Variants in HSD17B14 observed in about 807,000 individuals in gnomAD.
HSD17B14 encodes L-fucose dehydrogenase.
HSD17B14 carries 32 observed loss-of-function variants against 32.2 expected under a neutral mutation model. The observed-to-expected ratio is 0.99, with a 90% CI of 0.75 to 1.33. The LOEUF is 1.33. HSD17B14 is among the 40% of genes most tolerant of loss of function. HSD17B14 has a pLI of 0.00. For missense variants in HSD17B14, 370 were observed against 366.5 expected, an observed-to-expected ratio of 1.01 and a Z score of -0.08; for synonymous variants, 140 against 155.4, an observed-to-expected ratio of 0.90 and a Z score of 0.74.
Position 48,836,470 on chromosome 19 carries a change from C to T in HSD17B14, c.-59G>A, listed in dbSNP as rs1157501263. 9 of 1,551,778 alleles carry T rather than the reference C, an allele frequency of 5.8e-6. No individual in the cohort carries two copies. Among genetic ancestry groups the T allele is most frequent in the African/African-American group, 5.4e-5 (4 of 73,750 alleles). ...TGGGCCTCTTTCACCTCCAAAGCCCCGTGAGGCCGTCGCATCAAATCCTCA... is the reference window on the plus strand; with the variant it reads ...TGGGCCTCTTTCACCTCCAAAGCCCTGTGAGGCCGTCGCATCAAATCCTCA... On this transcript the variant is annotated 5_prime_UTR_variant, in exon 1 of 9. Transcript: ENST00000263278.
rs590406 is a variant in HSD17B14 at position 48,832,037 on chromosome 19, C to T, written c.278-278G>A. On this transcript the variant is annotated intron_variant, in intron 4 of 8. Transcript: ENST00000263278. ...AGGTTGCAGTGAGCCTAGATCGAGCCACTGCACTCCAGCCTGGGCGACAGA... is the reference window on the plus strand; with the variant it reads ...AGGTTGCAGTGAGCCTAGATCGAGCTACTGCACTCCAGCCTGGGCGACAGA... Among the ~76,000 whole-genome samples the T allele has an allele frequency of 4.7e-3, 689 of 146,422 alleles. 5 individuals are homozygous for T. The highest frequency in any genetic ancestry group is 0.016 in the African/African-American group (637 of 38,676).
chr19:48,835,743 G>A (rs888190875), intron 2 of HSD17B14, 62 bp downstream of exon 2: 2 of 1,551,716 alleles, frequency 1.3e-6, no homozygotes, highest in South Asian at 1.1e-5. Context: ...GGTGCTAGGG[G>A]TCTGGACCTC....
chr19:48,817,630 A>G (rs1215280307), intron 5 of HSD17B14, among the ~76,000 whole-genome samples: 1 of 152,186 alleles, frequency 6.6e-6, no homozygotes, highest in Admixed American at 6.6e-5. Flanking sequence ...TCCCACCAGC[A>G]TGCAGAAACC....
In HSD17B14 at chr19:48,826,958, G is replaced by A. The variant is rs140439088; in HGVS notation, c.369+4710C>T. The stretch of plus-strand genomic sequence containing the variant: ...GCAGTTCATGTTCAACAGCGCCCCC[G>A]CCAGGCTTTCCTGCCACAGTGAATG... On this transcript the variant is annotated intron_variant, in intron 5 of 8. Transcript: ENST00000263278. 8.7e-3 allele frequency among the ~76,000 whole-genome samples: 1,316 copies of A among 151,920 alleles called. 24 individuals carry two copies. The highest frequency in any genetic ancestry group is 7.1e-3 in the Non-Finnish European group (480 of 67,986).
Position 48,813,798 on chromosome 19 carries a change from C to T in HSD17B14, c.475-68G>A, listed in dbSNP as rs953586855. 12 of 1,567,112 alleles carry T rather than the reference C, an allele frequency of 7.7e-6. No homozygotes were observed. The African/African-American group carries it at 1.2e-4, about 16-fold the overall frequency. On this transcript the variant is annotated intron_variant, in intron 6 of 8. Transcript: ENST00000263278. Reference sequence around the variant, plus strand: ...ATGGGGTCCCTGCCATCCATTGTCTCCTGCCAGCCAGGGGGGCATCAGAAT... The same window carrying T: ...ATGGGGTCCCTGCCATCCATTGTCTTCTGCCAGCCAGGGGGGCATCAGAAT...
At chr19:48,822,380 T>TTGATGG in intron 5 of HSD17B14, among the ~76,000 whole-genome samples, 1 of 135,260 alleles carries the variant, frequency 7.4e-6, no homozygotes, top group Non-Finnish European at 1.6e-5. Context: ...GCTGATGTTG[T>TTGATGG]TGATGGTGAT....
At chr19:48,828,066 A>G (rs966747569) in intron 5 of HSD17B14, among the ~76,000 whole-genome samples, 5 of 151,858 alleles carry the variant, frequency 3.3e-5, no homozygotes, top group African/African-American at 1.2e-4. Flanking sequence ...GCGTTAGCCA[A>G]GATGGTCTCG....
intron 5 of HSD17B14, among the ~76,000 whole-genome samples, chr19:48,825,112 C>A (rs934725924): frequency 6.6e-6 from 1 of 151,822 alleles, no homozygotes; most frequent in South Asian, 2.1e-4. Context: ...GTGGCGTGTG[C>A]CTGTAGTCCC....
intron 5 of HSD17B14, among the ~76,000 whole-genome samples, chr19:48,815,993 C>G (rs2035043520): frequency 1.3e-5 from 2 of 148,530 alleles, no homozygotes; most frequent in South Asian, 2.2e-4. Context: ...TGCACTCGAG[C>G]CTGGGCAACA....
chr19:48,830,202 G>A (rs1471809444), intron 5 of HSD17B14, among the ~76,000 whole-genome samples: 2 of 152,022 alleles, frequency 1.3e-5, no homozygotes, highest in Non-Finnish European at 2.9e-5. Context: ...CTTAACTTGT[G>A]CAAGCTGACT....
intron 3 of HSD17B14, 25 bp from the exon 4 acceptor site, chr19:48,832,757 G>GTT (rs372590687): frequency 2.8e-3 from 3,888 of 1,393,490 alleles, no homozygotes; most frequent in African/African-American, 0.016. Context: ...AATGTCCTTT[G>GTT]TTTTTTTTTT....
intron 5 of HSD17B14, among the ~76,000 whole-genome samples, chr19:48,825,615 T>C (rs1173626699): frequency 2.6e-5 from 4 of 151,994 alleles, no homozygotes; most frequent in African/African-American, 7.2e-5. Flanking sequence ...AAGAGTTTCA[T>C]GGGTATTTAA....
intron 6 of HSD17B14, among the ~76,000 whole-genome samples, 167 bp downstream of exon 6, chr19:48,814,870 C>A (rs1053379209): frequency 4.6e-5 from 7 of 150,914 alleles, no homozygotes; most frequent in Middle Eastern, 3.5e-3. Flanking sequence ...AAAGAAAAAA[C>A]AGAAATCTGT....
chr19:48,827,827 C>T (rs925331028), intron 5 of HSD17B14, among the ~76,000 whole-genome samples: 2 of 149,020 alleles, frequency 1.3e-5, no homozygotes, highest in South Asian at 2.1e-4. Flanking sequence ...TGTGAGCCAC[C>T]GTGACCAACC....
intron 4 of HSD17B14, 87 bp downstream of exon 4, chr19:48,832,579 C>T: frequency 8.5e-7 from 1 of 1,171,586 alleles, no homozygotes; most frequent in Non-Finnish European, 1.3e-6. Flanking sequence ...ATGAGGGAAT[C>T]AGGGGCAGGG....
At chr19:48,814,519 T>C (rs1348773164) in intron 6 of HSD17B14, among the ~76,000 whole-genome samples, 2 of 137,856 alleles carry the variant, frequency 1.5e-5, no homozygotes, top group African/African-American at 2.7e-5. Context: ...CGAAACTCCA[T>C]CTCAAAAAAA....
chr19:48,836,476 G>A lies in HSD17B14; in HGVS notation c.-65C>T. 2 of 1,536,344 alleles carry A rather than the reference G, an allele frequency of 1.3e-6. No homozygotes were observed. The highest frequency in any genetic ancestry group is 1.7e-4 in the Middle Eastern group (1 of 5,932). On this transcript the variant is annotated 5_prime_UTR_variant, in exon 1 of 9. Coordinates refer to ENST00000263278, the MANE Select transcript of HSD17B14 (RefSeq NM_016246.3). The stretch of plus-strand genomic sequence containing the variant: ...TCTTTCACCTCCAAAGCCCCGTGAG[G>A]CCGTCGCATCAAATCCTCAATAGAG...
chr19:48,820,826 G>C (rs2035133993), intron 5 of HSD17B14, among the ~76,000 whole-genome samples: 1 of 151,430 alleles, frequency 6.6e-6, no homozygotes. Context: ...AATATGGCGA[G>C]ACCCCATTCT....
At chr19:48,816,779 T>TCTTTCTTTCTTTCTTTC (rs2035057800) in intron 5 of HSD17B14, among the ~76,000 whole-genome samples, 1 of 122,180 alleles carries the variant, frequency 8.2e-6, no homozygotes, top group Non-Finnish European at 1.7e-5. Context: ...GCAAGACCCT[T>TCTTTCTTTCTTTCTTTC]TTTCTTTCTT....
Sources: allele counts gnomAD v4.1 joint callset (sites outside exome capture counted in the v4.1 genomes callset), GRCh38; gene constraint gnomAD v4.1.1; transcripts MANE v1.5; gene names NCBI Gene and HGNC (gene_info 2026-07-23, HGNC 2026-07-21).